SOX5: variants seen among roughly 807,000 people sequenced by gnomAD.
The protein encoded by SOX5 is SRY-box transcription factor 5.
Under a neutral mutation model 92.0 loss-of-function variants are expected in SOX5, and 9 were observed. The observed-to-expected ratio is 0.10, with a 90% CI of 0.06 to 0.17. The LOEUF (loss-of-function observed/expected upper bound fraction) is 0.17, where lower values mean the gene tolerates loss of function less well. Among genes scored for constraint, SOX5 ranks in the 10% least tolerant of loss-of-function variants. The pLI is 1.00. For missense variants in SOX5, 642 were observed against 944.5 expected (o/e 0.68, Z 4.20); for synonymous variants, 344 against 336.3 (o/e 1.02, Z -0.25).
At chr12:24,208,916 G>A (rs987111653) in intron 4 of SOX5, among the ~76,000 whole-genome samples, 1 of 152,174 alleles carries the variant, frequency 6.6e-6, no homozygotes, top group African/African-American at 2.4e-5. Flanking sequence ...GATTTAGCAT[G>A]ATAACGGTTA....
intron 1 of SOX5, among the ~76,000 whole-genome samples, chr12:24,553,701 G>A (rs1290997194): frequency 1.3e-5 from 2 of 152,206 alleles, no homozygotes; most frequent in African/African-American, 4.8e-5. Flanking sequence ...GTGGACAGTG[G>A]TGCCATGAGA....
At chr12:24,261,511 C>G (rs896907444) in intron 3 of SOX5, among the ~76,000 whole-genome samples, 1 of 152,098 alleles carries the variant, frequency 6.6e-6, no homozygotes, top group African/African-American at 2.4e-5. Context: ...AAAGCCACAC[C>G]ACACCACACA....
chr12:23,734,148 G>A (rs2093497366), intron 6 of SOX5, among the ~76,000 whole-genome samples: 1 of 152,008 alleles, frequency 6.6e-6, no homozygotes, highest in Non-Finnish European at 1.5e-5. Flanking sequence ...CCTTATTATT[G>A]CAAATTTCCA....
intron 3 of SOX5, among the ~76,000 whole-genome samples, chr12:24,265,433 A>G (rs566740784): frequency 2.6e-5 from 4 of 152,266 alleles, no homozygotes; most frequent in Admixed American, 1.3e-4. Context: ...AGTCTTAGCT[A>G]TTTGTGAGGC....
chr12:23,575,551 C>T (rs1948984735), intron 10 of SOX5, 110 bp downstream of exon 10: 4 of 988,116 alleles, frequency 4.0e-6, no homozygotes, highest in African/African-American at 1.6e-5. Context: ...TTGAAGCTGT[C>T]CTATAGAATT....
At chr12:24,030,679 A>G (rs143109759) in intron 4 of SOX5, among the ~76,000 whole-genome samples, 1 of 152,116 alleles carries the variant, frequency 6.6e-6, no homozygotes, top group African/African-American at 2.4e-5. Flanking sequence ...AACAAAAGCA[A>G]AAATAGACAA....
At chr12:24,406,387 T>C (rs1179025654) in intron 1 of SOX5, among the ~76,000 whole-genome samples, 1 of 148,526 alleles carries the variant, frequency 6.7e-6, no homozygotes, top group East Asian at 1.9e-4. Context: ...AGAGTCAGTG[T>C]TAAGCAGCTT....
chr12:23,578,862 C>T lies in SOX5; in HGVS notation c.1165-3024G>A, dbSNP rs151175249. On this transcript the variant is annotated intron_variant, in intron 9 of 14. Transcript: ENST00000451604. ...GAACTTCTTTTTGACATCATCATAA[C>T]TCTTGCAAAAGTTTTGGGAGATGCT... Among the ~76,000 whole-genome samples, 6 of 152,284 alleles carry T rather than the reference C, an allele frequency of 3.9e-5. No individual in the cohort carries two copies. In the East Asian group the frequency reaches 9.6e-4, roughly 24 times the overall value.
intron 6 of SOX5, among the ~76,000 whole-genome samples, chr12:23,733,328 A>G (rs2093463114): frequency 6.6e-6 from 1 of 152,206 alleles, no homozygotes; most frequent in Non-Finnish European, 1.5e-5. Flanking sequence ...AATTAATAAC[A>G]TTTTAAATGC....
chr12:24,479,664 C>CT (rs140512446), intron 1 of SOX5, among the ~76,000 whole-genome samples: 29,186 of 151,192 alleles, frequency 0.19, 2,816 homozygotes, highest in Middle Eastern at 0.24. Flanking sequence ...GGTATTTATT[C>CT]ATTTTTTTTT....
chr12:24,256,734 A>G (rs1174022256), intron 3 of SOX5, among the ~76,000 whole-genome samples: 1 of 152,170 alleles, frequency 6.6e-6, no homozygotes, highest in Non-Finnish European at 1.5e-5. Flanking sequence ...AGCATGAAGC[A>G]TGGCCCATCC....
At chr12:23,899,421 A>G (rs1168895764) in intron 1 of SOX5, among the ~76,000 whole-genome samples, 2 of 152,046 alleles carry the variant, frequency 1.3e-5, no homozygotes, top group East Asian at 1.9e-4. Flanking sequence ...AAAAAAAAAA[A>G]AGGCACCACA....
At chr12:24,088,048 G>A (rs1944223256) in intron 4 of SOX5, among the ~76,000 whole-genome samples, 1 of 151,798 alleles carries the variant, frequency 6.6e-6, no homozygotes, top group Non-Finnish European at 1.5e-5. Context: ...CATCCCCCAG[G>A]AAAGCTACAA....
At chr12:23,957,491 G>A (rs1591794793) in intron 4 of SOX5, among the ~76,000 whole-genome samples, 1 of 152,240 alleles carries the variant, frequency 6.6e-6, no homozygotes, top group East Asian at 1.9e-4. Context: ...TGGCGTAGGG[G>A]GGAATAAATA....
At chr12:24,204,057 TC>T in intron 4 of SOX5, among the ~76,000 whole-genome samples, 1 of 152,224 alleles carries the variant, frequency 6.6e-6, no homozygotes, top group Admixed American at 6.5e-5. Flanking sequence ...TCCCATTCTC[TC>T]TATCCCCTTC....
chr12:24,476,822 G>A (rs1945433470), intron 1 of SOX5, among the ~76,000 whole-genome samples: 1 of 152,028 alleles, frequency 6.6e-6, no homozygotes, highest in Non-Finnish European at 1.5e-5. Context: ...CATAGAGACT[G>A]AATAAAGTGA....
chr12:24,090,242 A>C (rs1944481192), intron 4 of SOX5, among the ~76,000 whole-genome samples: 1 of 152,210 alleles, frequency 6.6e-6, no homozygotes, highest in East Asian at 1.9e-4. Context: ...ATAGTTTACA[A>C]GTGCCCTTTC....
rs2138061703 is a variant in SOX5 at position 24,496,864 on chromosome 12, C to A, written c.-251+65465G>T. On this transcript the variant is annotated intron_variant, in intron 1 of 4. Transcript: ENST00000446891. ...CTGAATTTATTACTTACACCTTGCT[C>A]TTTATGAATATACAAGTTCTACTGG... is the stretch of plus-strand genomic sequence containing the variant. Among the ~76,000 whole-genome samples the A allele has an allele frequency of 2.0e-5, 3 of 152,310 alleles. No individual in the cohort carries two copies. In the South Asian group the frequency reaches 6.2e-4, roughly 32 times the overall value.
intron 4 of SOX5, among the ~76,000 whole-genome samples, chr12:24,140,331 C>A (rs1398928447): frequency 6.6e-6 from 1 of 151,980 alleles, no homozygotes; most frequent in Non-Finnish European, 1.5e-5. Flanking sequence ...GTGAATGGAC[C>A]AAGGATTCTC....
Sources: allele counts gnomAD v4.1 joint callset (sites outside exome capture counted in the v4.1 genomes callset), GRCh38; gene constraint gnomAD v4.1.1; transcripts MANE v1.5; gene names NCBI Gene and HGNC (gene_info 2026-07-23, HGNC 2026-07-21).